The following PDE6H variants were observed in gnomAD, a reference collection of about 807,000 sequenced individuals.
PDE6H encodes the protein retinal cone rhodopsin-sensitive cGMP 3',5'-cyclic phosphodiesterase subunit gamma.
In PDE6H, 11 loss-of-function variants were observed where a neutral mutation model predicts 9.2. The ratio of observed to expected loss-of-function variants is 1.19; its 90% CI spans 0.75 to 1.97. The LOEUF is 1.97. PDE6H is among the 30% of genes most tolerant of loss of function. The probability of loss-of-function intolerance (pLI) is 0.00; values close to 1 mark genes in which losing one functional copy is unlikely to be tolerated. For synonymous variants in PDE6H, 36 were observed against 33.6 expected, an observed-to-expected ratio of 1.07 and a Z score of -0.25; for missense variants, 98 against 101.5, an observed-to-expected ratio of 0.97 and a Z score of 0.15.
At chr12:14,975,347 A>G (rs922986486) in intron 1 of PDE6H, among the ~76,000 whole-genome samples, 5 of 144,860 alleles carry the variant, frequency 3.5e-5, no homozygotes, top group Non-Finnish European at 6.0e-5. Context: ...TTGTAATTCA[A>G]ATTGAACTGG....
At chr12:14,974,536 G>A (rs1864564364) in intron 1 of PDE6H, among the ~76,000 whole-genome samples, 1 of 152,324 alleles carries the variant, frequency 6.6e-6, no homozygotes, top group South Asian at 2.1e-4. Context: ...CACTTTCTAA[G>A]CCTAGAGGTG....
chr12:14,981,417 C>G lies in PDE6H; in HGVS notation c.193C>G (p.Pro65Ala). ...TCTTGCAGATATCACAGTGATTTGT[C>G]CATGGGAGGCATTCAGCCACCTGGA... ...GLGTDITVIC[P>A]WEAFSHLELH... The change falls in exon 4 of 4, where the codon CCA becomes GCA. Residue 65 changes from proline to alanine, a missense_variant. Transcript: ENST00000266395. The G allele has an allele frequency of 6.2e-7, 1 of 1,611,890 alleles. No individual in the cohort carries two copies. Among genetic ancestry groups the G allele is most frequent in the Non-Finnish European group, 8.5e-7 (1 of 1,177,910 alleles).
intron 1 of PDE6H, among the ~76,000 whole-genome samples, chr12:14,975,334 T>A (rs1253931384): frequency 6.6e-6 from 1 of 151,152 alleles, no homozygotes; most frequent in African/African-American, 2.4e-5. Context: ...AAAAATTATT[T>A]CTTTGTAATT....
chr12:14,980,504 G>A (rs1418372742), intron 3 of PDE6H, among the ~76,000 whole-genome samples: 2 of 152,350 alleles, frequency 1.3e-5, no homozygotes, highest in East Asian at 3.9e-4. Context: ...AGTAGCACTT[G>A]TAGTAATCAG....
At chr12:14,978,463 T>G (rs1315517549) in intron 2 of PDE6H, among the ~76,000 whole-genome samples, 1 of 152,262 alleles carries the variant, frequency 6.6e-6, no homozygotes, top group East Asian at 1.9e-4. Flanking sequence ...TCTGTAACAC[T>G]GAACCACTGA....
chr12:14,976,062 C>T (rs1031121872), intron 1 of PDE6H, among the ~76,000 whole-genome samples: 8 of 152,074 alleles, frequency 5.3e-5, no homozygotes, highest in African/African-American at 1.2e-4. Context: ...CCTCGTGATC[C>T]GCCCGCCTCG....
intron 2 of PDE6H, 134 bp downstream of exon 2, chr12:14,978,280 G>A: frequency 1.3e-6 from 1 of 748,832 alleles, no homozygotes; most frequent in Non-Finnish European, 2.3e-6. Flanking sequence ...CTTTTCCTCT[G>A]TAACTCCATC....
At chr12:14,974,105 C>T (rs780707198) in intron 1 of PDE6H, among the ~76,000 whole-genome samples, 1 of 152,164 alleles carries the variant, frequency 6.6e-6, no homozygotes, top group Non-Finnish European at 1.5e-5. Flanking sequence ...GCTTTAAATA[C>T]AGGAAAATGT....
Position 14,974,411 on chromosome 12 carries a change from G to A in PDE6H, c.-42+1325G>A, listed in dbSNP as rs1027194475. Among the ~76,000 whole-genome samples the A allele has an allele frequency of 3.3e-5, 5 of 152,100 alleles. 1 individual carries two copies. The highest frequency in any genetic ancestry group is 4.1e-4 in the South Asian group (2 of 4,820). Reference sequence around the variant, plus strand: ...TGCATAGGGATTAGTCGACTGTTCCGGTTACCTAGTGCAAATCCTGAGCAC... The same window carrying A: ...TGCATAGGGATTAGTCGACTGTTCCAGTTACCTAGTGCAAATCCTGAGCAC... On this transcript the variant is annotated intron_variant, in intron 1 of 3. Transcript: ENST00000266395.
intron 1 of PDE6H, among the ~76,000 whole-genome samples, chr12:14,974,199 T>C (rs913324254): frequency 2.0e-5 from 3 of 152,232 alleles, no homozygotes; most frequent in East Asian, 1.9e-4. Context: ...AGTCTGATAA[T>C]ACATTTAAGG....
rs558075003 is a variant in PDE6H, at chr12:14,981,834, T to G, written c.*358T>G. On this transcript the variant is annotated 3_prime_UTR_variant, in exon 4 of 4. Transcript: ENST00000266395. ...AACATTTATGTCACTCCCCACCTCC[T>G]CATATTTAATAAAGGAGATATTTAC... 130 of 346,284 alleles carry G rather than the reference T, an allele frequency of 3.8e-4. No individual in the cohort carries two copies. Among genetic ancestry groups the G allele is most frequent in the Non-Finnish European group, 6.1e-4 (112 of 182,510 alleles). The allele number at this position is 346,284 out of a possible 1,614,324, so 21.5% of individuals were successfully genotyped here.
rs577182454 is a variant in PDE6H at position 14,974,062 on chromosome 12, T to A, written c.-42+976T>A. Among the ~76,000 whole-genome samples the A allele has an allele frequency of 3.3e-5, 5 of 152,288 alleles. No homozygotes were observed. In the South Asian group the frequency reaches 1.0e-3, roughly 32 times the overall value. On this transcript the variant is annotated intron_variant, in intron 1 of 3. Coordinates refer to ENST00000266395, the MANE Select transcript of PDE6H (RefSeq NM_006205.3). ...TCCACTTATTTCTGCAGAAAAACAG[T>A]TTGTAATCTTCAAAAGGGGAAGGGC...
chr12:14,974,648 G>A (rs897486640), intron 1 of PDE6H, among the ~76,000 whole-genome samples: 1 of 152,202 alleles, frequency 6.6e-6, no homozygotes, highest in Non-Finnish European at 1.5e-5. Flanking sequence ...AATTCTTCGG[G>A]GTTGCTGTTG....
intron 3 of PDE6H, 99 bp downstream of exon 3, chr12:14,979,318 C>A: frequency 1.3e-6 from 1 of 783,536 alleles, no homozygotes; most frequent in Non-Finnish European, 2.3e-6. Flanking sequence ...ATGAGAAATA[C>A]CCAAGGCAGA....
chr12:14,979,372 G>T (rs1032979361), intron 3 of PDE6H, among the ~76,000 whole-genome samples, 153 bp downstream of exon 3: 3 of 152,268 alleles, frequency 2.0e-5, no homozygotes, highest in African/African-American at 7.2e-5. Flanking sequence ...ATTTACCCTC[G>T]AAATAAGTAC....
At chr12:14,977,353 G>C (rs1240776131) in intron 1 of PDE6H, among the ~76,000 whole-genome samples, 7 of 152,048 alleles carry the variant, frequency 4.6e-5, no homozygotes, top group Non-Finnish European at 5.9e-5. Flanking sequence ...AAAAAACAGA[G>C]GCCATAAAAA....
chr12:14,980,796 G>A (rs1864670543), intron 3 of PDE6H, among the ~76,000 whole-genome samples: 1 of 152,186 alleles, frequency 6.6e-6, no homozygotes, highest in African/African-American at 2.4e-5. Flanking sequence ...CAACTATGTG[G>A]TTTTTGCTAA....
chr12:14,973,917 G>GC (rs541183609), intron 1 of PDE6H, among the ~76,000 whole-genome samples: 277 of 152,292 alleles, frequency 1.8e-3, no homozygotes, highest in Middle Eastern at 6.8e-3. Context: ...ATAGAGCTGG[G>GC]CTTTGCTGTA....
intron 2 of PDE6H, 64 bp from the exon 3 acceptor site, chr12:14,979,115 G>A: frequency 9.4e-7 from 1 of 1,065,562 alleles, no homozygotes; most frequent in Non-Finnish European, 1.5e-6. Flanking sequence ...AACTCTCCAT[G>A]TGAGTGACTC....
Sources: gnomAD v4.1 joint callset for allele counts (sites outside exome capture counted in the v4.1 genomes callset) on GRCh38, gnomAD v4.1.1 for gene constraint, MANE v1.5 for transcripts, NCBI Gene and HGNC (gene_info 2026-07-23, HGNC 2026-07-21) for gene names.